CARMIL1: variants seen among roughly 807,000 people sequenced by gnomAD.
CARMIL1 encodes the protein F-actin-uncapping protein LRRC16A.
In CARMIL1, 90 loss-of-function variants were observed where a neutral mutation model predicts 177.1. The observed-to-expected ratio is 0.51, with a 90% CI of 0.43 to 0.61. The LOEUF is 0.61. CARMIL1 is among the 20% of genes least tolerant of loss of function. The pLI is 0.00. For missense variants in CARMIL1, 1,380 were observed against 1,667.0 expected (o/e 0.83, Z 3.00); for synonymous variants, 577 against 606.2 (o/e 0.95, Z 0.71).
At chr6:25,516,436 T>C (rs1806006914) in intron 21 of CARMIL1, among the ~76,000 whole-genome samples, 1 of 152,210 alleles carries the variant, frequency 6.6e-6, no homozygotes, top group Admixed American at 6.5e-5. Flanking sequence ...TGTTGCTACC[T>C]AGGTCAGCAG....
chr6:25,308,680 ATT>A (rs5875026), intron 2 of CARMIL1, among the ~76,000 whole-genome samples: 2 of 149,260 alleles, frequency 1.3e-5, no homozygotes, highest in Admixed American at 6.7e-5. Flanking sequence ...TGTTCCGGCC[ATT>A]TTTTTTTTTA....
At chr6:25,361,235 G>T (rs779095143) in intron 2 of CARMIL1, among the ~76,000 whole-genome samples, 50 of 152,060 alleles carry the variant, frequency 3.3e-4, no homozygotes, top group Non-Finnish European at 6.8e-4. Flanking sequence ...GCAACATTTT[G>T]CAGGTAGTTT....
intron 11 of CARMIL1, among the ~76,000 whole-genome samples, chr6:25,473,931 A>G (rs1385757071): frequency 6.6e-6 from 1 of 152,178 alleles, no homozygotes; most frequent in African/African-American, 2.4e-5. Context: ...AGGAGTCAGT[A>G]GGTTTAGAAA....
intron 2 of CARMIL1, among the ~76,000 whole-genome samples, chr6:25,357,663 C>T (rs1178157711): frequency 6.6e-6 from 1 of 152,070 alleles, no homozygotes; most frequent in East Asian, 1.9e-4. Flanking sequence ...TTTAATAAGC[C>T]TTGAAAAGCT....
At chr6:25,556,901 A>C in intron 29 of CARMIL1, 51 bp downstream of exon 29, 1 of 1,349,792 alleles carries the variant, frequency 7.4e-7, no homozygotes. Context: ...GGACTGTGCC[A>C]TTGTTTTTTT....
At chr6:25,311,540 C>T (rs911109563) in intron 2 of CARMIL1, among the ~76,000 whole-genome samples, 1 of 151,884 alleles carries the variant, frequency 6.6e-6, no homozygotes, top group African/African-American at 2.4e-5. Flanking sequence ...ATATATAGAG[C>T]GGGGGAAAAA....
intron 13 of CARMIL1, among the ~76,000 whole-genome samples, chr6:25,489,882 A>G (rs1369972517): frequency 1.3e-5 from 2 of 152,240 alleles, no homozygotes; most frequent in African/African-American, 2.4e-5. Flanking sequence ...AACAAGGCCA[A>G]TGTGACACCA....
chr6:25,399,139 T>G (rs1793677133), intron 2 of CARMIL1, among the ~76,000 whole-genome samples: 1 of 152,324 alleles, frequency 6.6e-6, no homozygotes, highest in South Asian at 2.1e-4. Flanking sequence ...AGGATACTTT[T>G]TGATACTTAT....
chr6:25,390,765 A>G (rs1304258457), intron 2 of CARMIL1, among the ~76,000 whole-genome samples: 2 of 151,578 alleles, frequency 1.3e-5, no homozygotes, highest in Admixed American at 1.3e-4. Context: ...ATCTCGGCTC[A>G]TTGTCACCTC....
chr6:25,371,046 G>A (rs1439735703), intron 2 of CARMIL1, among the ~76,000 whole-genome samples: 5 of 152,054 alleles, frequency 3.3e-5, no homozygotes, highest in East Asian at 1.9e-4. Context: ...GTTACTTCAC[G>A]TAGAATAATG....
intron 2 of CARMIL1, among the ~76,000 whole-genome samples, chr6:25,325,811 T>C (rs1454146247): frequency 6.6e-6 from 1 of 152,154 alleles, no homozygotes; most frequent in African/African-American, 2.4e-5. Flanking sequence ...CTAAAACTTA[T>C]TGAAAACAGT....
chr6:25,495,538 CGTGTGTGTGTGTGTGTGTGT>C (rs144132253), intron 16 of CARMIL1, among the ~76,000 whole-genome samples: 1 of 144,872 alleles, frequency 6.9e-6, no homozygotes, highest in Non-Finnish European at 1.5e-5. Context: ...TTCGTTTGTT[CGTGTGTGTGTGTGTGTGTGT>C]GTGTGTGTGT....
At chr6:25,442,828 C>T (rs770688205) in intron 5 of CARMIL1, among the ~76,000 whole-genome samples, 1 of 152,204 alleles carries the variant, frequency 6.6e-6, no homozygotes, top group Non-Finnish European at 1.5e-5. Flanking sequence ...CCCCTAGCTG[C>T]TGCCTCCTTT....
intron 17 of CARMIL1, among the ~76,000 whole-genome samples, chr6:25,508,969 CTT>C (rs1308034594): frequency 6.6e-6 from 1 of 152,074 alleles, no homozygotes; most frequent in African/African-American, 2.4e-5. Context: ...TTCAGGTTGT[CTT>C]TCTCTTTTAA....
intron 2 of CARMIL1, among the ~76,000 whole-genome samples, chr6:25,332,695 G>C (rs1429106586): frequency 6.6e-6 from 1 of 150,924 alleles, no homozygotes. Context: ...GCTCAGGGTA[G>C]AGATTCTGTC....
chr6:25,381,362 T>C (rs1205254242), intron 2 of CARMIL1, among the ~76,000 whole-genome samples: 1 of 152,198 alleles, frequency 6.6e-6, no homozygotes, highest in Non-Finnish European at 1.5e-5. Flanking sequence ...CTGACACAAA[T>C]GGCTGGATTT....
At chr6:25,357,171 A>G (rs1227777298) in intron 2 of CARMIL1, among the ~76,000 whole-genome samples, 1 of 151,780 alleles carries the variant, frequency 6.6e-6, no homozygotes, top group Non-Finnish European at 1.5e-5. Flanking sequence ...AAATAAACGT[A>G]ATTAATTAGA....
intron 2 of CARMIL1, among the ~76,000 whole-genome samples, chr6:25,369,572 TGCTATGTATCGAGGTG>T (rs1009711938): frequency 3.3e-5 from 5 of 152,004 alleles, no homozygotes; most frequent in African/African-American, 1.2e-4. Context: ...CTTCCTCACT[TGCTATGTATCGAGGTG>T]GCAAATTCCC....
chr6:25,363,952 C>T (rs1002254763), intron 2 of CARMIL1, among the ~76,000 whole-genome samples: 1 of 151,728 alleles, frequency 6.6e-6, no homozygotes, highest in Non-Finnish European at 1.5e-5. Flanking sequence ...TCGTTTCTTT[C>T]TTTTTTTGAG....
Sources: allele counts gnomAD v4.1 joint callset (sites outside exome capture counted in the v4.1 genomes callset), GRCh38; gene constraint gnomAD v4.1.1; transcripts MANE v1.5; gene names NCBI Gene and HGNC (gene_info 2026-07-23, HGNC 2026-07-21).